The following MAGI2 variants were observed in gnomAD, a reference collection of about 807,000 sequenced individuals.
MAGI2 encodes membrane associated guanylate kinase, WW and PDZ domain containing 2.
In MAGI2, 35 loss-of-function variants were observed where a neutral mutation model predicts 133.3. The ratio of observed to expected loss-of-function variants is 0.26; its 90% CI spans 0.20 to 0.35. MAGI2 has a LOEUF of 0.35. Ranked by LOEUF, MAGI2 falls within the 10% of genes least tolerant of loss-of-function variation. The pLI, the probability that MAGI2 is intolerant of heterozygous loss-of-function variation, is 1.00. For missense variants in MAGI2, 1,636 were observed against 1,863.4 expected, an observed-to-expected ratio of 0.88 and a Z score of 2.25; for synonymous variants, 729 against 710.6, an observed-to-expected ratio of 1.03 and a Z score of -0.41.
chr7:79,026,097 C>A (rs1584720757), intron 1 of MAGI2, among the ~76,000 whole-genome samples: 1 of 152,166 alleles, frequency 6.6e-6, no homozygotes, highest in Non-Finnish European at 1.5e-5. Flanking sequence ...TGAAAATTCA[C>A]TTTTAGACAT....
At chr7:78,446,044 C>T (rs75774614) in intron 6 of MAGI2, among the ~76,000 whole-genome samples, 4 of 13,512 alleles carry the variant, frequency 3.0e-4, no homozygotes, top group African/African-American at 4.4e-4. Flanking sequence ...TTTTGTGTTT[C>T]TTTTGTCTTG....
chr7:78,675,339 A>G (rs944622610), intron 2 of MAGI2, among the ~76,000 whole-genome samples: 4 of 152,008 alleles, frequency 2.6e-5, no homozygotes, highest in Non-Finnish European at 5.9e-5. Context: ...AAGGTAAGAA[A>G]GTTAATGATA....
chr7:78,616,939 ACT>A, intron 3 of MAGI2: 1 of 152,134 alleles, frequency 6.6e-6, no homozygotes, highest in Middle Eastern at 3.2e-3. Context: ...AAATTTTCTG[ACT>A]CTCTGAGTTT....
chr7:78,444,291 TA>T (rs1787911976), intron 6 of MAGI2, among the ~76,000 whole-genome samples: 1 of 152,046 alleles, frequency 6.6e-6, no homozygotes, highest in Non-Finnish European at 1.5e-5. Flanking sequence ...AAGTGAAAAC[TA>T]AAACTTATGG....
intron 2 of MAGI2, among the ~76,000 whole-genome samples, chr7:78,806,675 C>T (rs1031816542): frequency 3.3e-5 from 5 of 151,652 alleles, no homozygotes; most frequent in Non-Finnish European, 7.4e-5. Flanking sequence ...TGAGACTAGT[C>T]TGGGCAACAG....
In MAGI2 at chr7:78,710,601, T is replaced by C. The variant is rs534893144; in HGVS notation, c.419-83362A>G. Among the ~76,000 whole-genome samples the C allele has an allele frequency of 4.1e-3, 617 of 152,276 alleles. 3 individuals carry two copies. The highest frequency in any genetic ancestry group is 7.0e-3 in the Non-Finnish European group (474 of 68,026). ...TTGCAAGGGTGGGTACAATATCCTA[T>C]TGATGAACCGTAGTGATCAAAGGAA... On this transcript the variant is annotated intron_variant, in intron 2 of 21. Transcript: ENST00000354212.
chr7:79,427,120 T>A (rs1267335348), intron 1 of MAGI2, among the ~76,000 whole-genome samples: 1 of 152,226 alleles, frequency 6.6e-6, no homozygotes, highest in South Asian at 2.1e-4. Flanking sequence ...AACTTTCATT[T>A]ACACCTTGAA....
chr7:78,536,913 ATGC>A (rs1797999063), intron 3 of MAGI2, among the ~76,000 whole-genome samples: 2 of 151,998 alleles, frequency 1.3e-5, no homozygotes, highest in Non-Finnish European at 2.9e-5. Flanking sequence ...CTCAGCACCT[ATGC>A]AGTGTACTCT....
At chr7:78,242,008 G>A (rs926371715) in intron 10 of MAGI2, among the ~76,000 whole-genome samples, 12 of 151,178 alleles carry the variant, frequency 7.9e-5, no homozygotes, top group African/African-American at 2.7e-4. Context: ...TGATGTGCAG[G>A]TCAGGGTATA....
At chr7:79,071,474 G>A (rs181266173) in intron 1 of MAGI2, among the ~76,000 whole-genome samples, 1 of 152,278 alleles carries the variant, frequency 6.6e-6, no homozygotes, top group East Asian at 1.9e-4. Context: ...GAGCTCGAAC[G>A]CTGTGCTGGG....
intron 21 of MAGI2, among the ~76,000 whole-genome samples, chr7:78,044,083 A>G (rs900730009): frequency 6.6e-6 from 1 of 152,222 alleles, no homozygotes; most frequent in Non-Finnish European, 1.5e-5. Flanking sequence ...TTGCACTTCT[A>G]TTATGAGGAG....
intron 2 of MAGI2, chr7:78,946,758 A>T (rs1801448088): frequency 6.6e-6 from 1 of 152,180 alleles, no homozygotes; most frequent in Admixed American, 6.5e-5. Flanking sequence ...TTTGACACAA[A>T]ACAAAATATT....
chr7:79,166,220 G>A (rs950184049), intron 1 of MAGI2, among the ~76,000 whole-genome samples: 1 of 152,018 alleles, frequency 6.6e-6, no homozygotes, highest in Non-Finnish European at 1.5e-5. Flanking sequence ...ATCAGTCCCA[G>A]ATTAGCTTAC....
chr7:79,256,108 A>T (rs1046529516), intron 1 of MAGI2, among the ~76,000 whole-genome samples: 5 of 152,362 alleles, frequency 3.3e-5, no homozygotes, highest in African/African-American at 4.8e-5. Flanking sequence ...ACTTGAATTA[A>T]TAACTTTCAC....
intron 1 of MAGI2, among the ~76,000 whole-genome samples, chr7:79,342,594 C>T (rs1341547577): frequency 6.6e-6 from 1 of 152,140 alleles, no homozygotes; most frequent in Admixed American, 6.6e-5. Flanking sequence ...ACATACAGTG[C>T]GTACTCACTT....
At chr7:78,894,779 C>T (rs1797072048) in intron 2 of MAGI2, among the ~76,000 whole-genome samples, 1 of 152,202 alleles carries the variant, frequency 6.6e-6, no homozygotes, top group Middle Eastern at 3.4e-3. Flanking sequence ...GTAAGAGTAA[C>T]AGAAAGACAA....
At position 78,256,312 on chromosome 7, in the gene MAGI2, C is replaced by T; in HGVS notation, c.1678G>A (p.Asp560Asn). The T allele has an allele frequency of 6.2e-7, 1 of 1,614,090 alleles. No individual in the cohort carries two copies. The highest frequency in any genetic ancestry group is 8.5e-7 in the Non-Finnish European group (1 of 1,180,012). The stretch of plus-strand genomic sequence containing the variant: ...GAATGAGGCGGCCGATCTGTTATAT[C>T]TGGAACTGACTGTGAGGTCCGAGAA... ...YISRTSQSVP[D>N]ITDRPPHSLH... The change falls in exon 10 of 22, where the codon GAT (aspartate) becomes AAT (asparagine). Residue 560 changes from aspartate (D) to asparagine (N), a missense_variant. Transcript: ENST00000354212.
chr7:78,149,213 C>T (rs1382405841), intron 16 of MAGI2, among the ~76,000 whole-genome samples: 2 of 152,172 alleles, frequency 1.3e-5, no homozygotes. Flanking sequence ...CAGGATAAAA[C>T]ATTTCCATAT....
intron 1 of MAGI2, among the ~76,000 whole-genome samples, chr7:79,404,480 T>C (rs1365769409): frequency 6.6e-6 from 1 of 152,074 alleles, no homozygotes; most frequent in Non-Finnish European, 1.5e-5. Context: ...GGATTACAGG[T>C]GTGACCCACC....
Sources: gnomAD v4.1 joint callset for allele counts (sites outside exome capture counted in the v4.1 genomes callset) on GRCh38, gnomAD v4.1.1 for gene constraint, MANE v1.5 for transcripts, NCBI Gene and HGNC (gene_info 2026-07-23, HGNC 2026-07-21) for gene names.